The following NREP variants were observed in gnomAD, a reference collection of about 807,000 sequenced individuals.
The protein encoded by NREP is neuronal regeneration related protein.
Under a neutral mutation model 8.6 loss-of-function variants are expected in NREP, and 5 were observed. The ratio of observed to expected loss-of-function variants is 0.58; its 90% CI spans 0.30 to 1.22. The LOEUF (loss-of-function observed/expected upper bound fraction) is 1.22. NREP is among the 50% of genes most tolerant of loss of function. The probability of loss-of-function intolerance (pLI) is 0.07; values close to 1 mark genes in which losing one functional copy is unlikely to be tolerated. For missense variants in NREP, 86 were observed against 82.5 expected (o/e 1.04, Z -0.17); for synonymous variants, 27 against 28.0 (o/e 0.96, Z 0.11).
intron 2 of NREP, among the ~76,000 whole-genome samples, chr5:111,834,443 T>G: frequency 6.6e-6 from 1 of 152,188 alleles, no homozygotes; most frequent in East Asian, 1.9e-4. Context: ...ACTAATAATA[T>G]TTTAAGTGCC....
chr5:111,861,727 A>C (rs1753548002), intron 2 of NREP, among the ~76,000 whole-genome samples: 12 of 152,192 alleles, frequency 7.9e-5, no homozygotes, highest in Admixed American at 7.9e-4. Flanking sequence ...GAATATGACC[A>C]ATAACAATAG....
intron 2 of NREP, among the ~76,000 whole-genome samples, chr5:111,908,745 A>C (rs1754836229): frequency 6.6e-6 from 1 of 152,094 alleles, no homozygotes; most frequent in Non-Finnish European, 1.5e-5. Flanking sequence ...ATACACGTGA[A>C]TGTATCTTTT....
At chr5:111,767,817 C>T (rs1012911209) in intron 2 of NREP, among the ~76,000 whole-genome samples, 8 of 152,012 alleles carry the variant, frequency 5.3e-5, no homozygotes, top group African/African-American at 1.2e-4. Context: ...AGGCTTGTGC[C>T]GCCCTGCCTG....
chr5:111,774,264 A>G (rs369855087), intron 2 of NREP, among the ~76,000 whole-genome samples: 2 of 118,632 alleles, frequency 1.7e-5, no homozygotes, highest in Non-Finnish European at 3.6e-5. Flanking sequence ...AAGGAGGGAG[A>G]GAAGGAGGGA....
chr5:111,829,390 G>A (rs1752708788), intron 2 of NREP, among the ~76,000 whole-genome samples: 1 of 152,192 alleles, frequency 6.6e-6, no homozygotes, highest in Admixed American at 6.5e-5. Context: ...CTCTAATTCA[G>A]AAGACCAAAT....
intron 2 of NREP, among the ~76,000 whole-genome samples, chr5:111,788,147 A>G (rs966007630): frequency 2.0e-5 from 3 of 152,120 alleles, no homozygotes; most frequent in Admixed American, 6.6e-5. Flanking sequence ...ACATCAGCAA[A>G]AGTTCTAATA....
chr5:111,970,823 C>T (rs1474799587), intron 2 of NREP, among the ~76,000 whole-genome samples: 13 of 60,832 alleles, frequency 2.1e-4, no homozygotes, highest in African/African-American at 6.8e-4. Context: ...AAGACTCCAT[C>T]TCAAAAAAAA....
intron 2 of NREP, among the ~76,000 whole-genome samples, chr5:111,773,299 T>C (rs62371570): frequency 0.084 from 12,780 of 152,200 alleles, 599 homozygotes; most frequent in Middle Eastern, 0.11. Flanking sequence ...ATCATAAACA[T>C]ACATAAAAAC....
At chr5:111,828,574 A>T (rs575305605) in intron 2 of NREP, among the ~76,000 whole-genome samples, 1 of 152,286 alleles carries the variant, frequency 6.6e-6, no homozygotes, top group East Asian at 1.9e-4. Flanking sequence ...AAGAGCCTTA[A>T]AGATTAGAGC....
At chr5:111,972,003 G>T (rs556077613) in intron 2 of NREP, among the ~76,000 whole-genome samples, 1 of 151,766 alleles carries the variant, frequency 6.6e-6, no homozygotes, top group East Asian at 1.9e-4. Flanking sequence ...TTTGATAAGG[G>T]GTTAAATATA....
At chr5:111,919,665 T>G (rs1477495697) in intron 2 of NREP, among the ~76,000 whole-genome samples, 2 of 151,908 alleles carry the variant, frequency 1.3e-5, no homozygotes. Flanking sequence ...AAGGGGGAGC[T>G]GAACAATGAG....
chr5:111,750,036 C>G (rs764632466), intron 2 of NREP, among the ~76,000 whole-genome samples: 7 of 152,198 alleles, frequency 4.6e-5, no homozygotes, highest in African/African-American at 7.2e-5. Context: ...AGTGAGAGCC[C>G]TGGGCCATCT....
At chr5:111,842,496 C>T (rs868152094) in intron 2 of NREP, among the ~76,000 whole-genome samples, 8 of 151,964 alleles carry the variant, frequency 5.3e-5, no homozygotes, top group African/African-American at 1.5e-4. Context: ...CTTCTTCTGC[C>T]CCGACATTTT....
chr5:111,867,365 T>C (rs1753691180), intron 2 of NREP, among the ~76,000 whole-genome samples: 1 of 152,120 alleles, frequency 6.6e-6, no homozygotes, highest in African/African-American at 2.4e-5. Flanking sequence ...TGTGCTCACA[T>C]GGGTTTTTCT....
chr5:111,839,501 G>C (rs4643999), intron 2 of NREP, among the ~76,000 whole-genome samples: 3 of 152,104 alleles, frequency 2.0e-5, no homozygotes, highest in African/African-American at 7.2e-5. Context: ...GTCCTGGTCA[G>C]GTTACAGTAT....
chr5:111,865,265 G>T (rs138558393), intron 2 of NREP, among the ~76,000 whole-genome samples: 178 of 152,266 alleles, frequency 1.2e-3, no homozygotes, highest in African/African-American at 4.2e-3. Flanking sequence ...TTTCTAAAGT[G>T]TATCAGTGGT....
chr5:111,928,693 G>A (rs1349633868), intron 2 of NREP, among the ~76,000 whole-genome samples: 1 of 152,104 alleles, frequency 6.6e-6, no homozygotes, highest in Non-Finnish European at 1.5e-5. Flanking sequence ...GTTAAGTCCT[G>A]AGCAATGCAC....
chr5:111,951,522 T>C (rs564460104), intron 2 of NREP, among the ~76,000 whole-genome samples: 1 of 152,046 alleles, frequency 6.6e-6, no homozygotes, highest in African/African-American at 2.4e-5. Flanking sequence ...TGACAGAGAA[T>C]GTATAGCCCA....
At chr5:111,756,025 A>G in intron 1 of NREP, 195 bp from the exon 2 acceptor site, 1 of 1,358,148 alleles carries the variant, frequency 7.4e-7, no homozygotes, top group Non-Finnish European at 9.5e-7. Flanking sequence ...GGACAAAGGA[A>G]TCCCTGGTAC....
Sources: allele counts gnomAD v4.1 joint callset (sites outside exome capture counted in the v4.1 genomes callset), GRCh38; gene constraint gnomAD v4.1.1; transcripts MANE v1.5; gene names NCBI Gene and HGNC (gene_info 2026-07-23, HGNC 2026-07-21).